Variants in MROH7 observed in about 807,000 individuals in gnomAD.
MROH7 encodes maestro heat-like repeat-containing protein family member 7.
Under a neutral mutation model 129.2 loss-of-function variants are expected in MROH7, and 113 were observed. The observed-to-expected ratio is 0.87, with a 90% confidence interval of 0.75 to 1.02. The LOEUF (loss-of-function observed/expected upper bound fraction) is 1.02. Ranked by LOEUF, MROH7 falls within the 50% of genes least tolerant of loss-of-function variation. The probability of loss-of-function intolerance (pLI) is 0.00; values close to 1 mark genes in which losing one functional copy is unlikely to be tolerated. For synonymous variants in MROH7, 655 were observed against 667.9 expected (o/e 0.98, Z 0.30); for missense variants, 1,601 against 1,671.3 (o/e 0.96, Z 0.73).
intron 10 of MROH7, among the ~76,000 whole-genome samples, chr1:54,677,417 A>G (rs563500174): frequency 1.6e-4 from 25 of 152,252 alleles, no homozygotes; most frequent in Admixed American, 6.5e-4. Flanking sequence ...CAAACAAAAC[A>G]AAACAAAACA....
chr1:54,662,297 A>C (rs552221406), intron 3 of MROH7, among the ~76,000 whole-genome samples: 19 of 152,252 alleles, frequency 1.2e-4, no homozygotes, highest in Non-Finnish European at 1.8e-4. Flanking sequence ...GCACTTTTGG[A>C]GGCCGAGGCG....
Position 54,653,465 on chromosome 1 carries a change from G to C in MROH7, c.539G>C (p.Arg180Thr). 6.2e-7 allele frequency: 1 copy of C among 1,614,156 alleles called. No individual in the cohort carries two copies. Among genetic ancestry groups the C allele is most frequent in the Non-Finnish European group, 8.5e-7 (1 of 1,180,036 alleles). The change falls in exon 3 of 24, where the codon AGG becomes ACG. Residue 180 changes from arginine (R) to threonine (T), a missense_variant. Physicochemically the swap from Arg to Thr is moderately conservative, Grantham distance 71 (BLOSUM62 -1). Transcript: ENST00000421030. ...PSRHELNPFI[R>T]HHSREGLVLG... ...AGGCATGAATTAAACCCATTTATAA[G>C]GCACCATTCCAGAGAAGGTCTGGTT...
At chr1:54,670,681 C>G (rs1229345764) in intron 6 of MROH7, 105 bp downstream of exon 6, 1 of 1,356,612 alleles carries the variant, frequency 7.4e-7, no homozygotes, top group Non-Finnish European at 1.0e-6. Context: ...GCCCCCACCC[C>G]TCGCCCGGTG....
chr1:54,704,909 C>T (rs1645507795), intron 21 of MROH7, among the ~76,000 whole-genome samples: 1 of 142,230 alleles, frequency 7.0e-6, no homozygotes, highest in Non-Finnish European at 1.5e-5. Context: ...AAGTGATTCT[C>T]CTGCCTCAAC....
intron 3 of MROH7, among the ~76,000 whole-genome samples, chr1:54,660,763 T>C (rs1655516): frequency 0.12 from 17,564 of 151,618 alleles, 2,933 homozygotes; most frequent in African/African-American, 0.37. Flanking sequence ...TGCGGTGAGC[T>C]GAGATTGCAC....
chr1:54,681,101 G>A (rs1477404310), intron 13 of MROH7, among the ~76,000 whole-genome samples: 1 of 152,162 alleles, frequency 6.6e-6, no homozygotes, highest in Non-Finnish European at 1.5e-5. Context: ...GCCAGGCAGA[G>A]GCACCCAGGG....
chr1:54,670,677 A>AC, intron 6 of MROH7, 101 bp downstream of exon 6: 1 of 330,430 alleles, frequency 3.0e-6, no homozygotes, highest in Non-Finnish European at 4.7e-6. Flanking sequence ...ACCCGCCCCC[A>AC]CCCCTCGCCC....
rs898394974 is a variant in MROH7, at chr1:54,653,420, A to G, written c.494A>G (p.Gln165Arg). The change falls in exon 3 of 24, where the codon CAG becomes CGG. Residue 165 changes from glutamine (Q) to arginine (R), a missense_variant. Transcript: ENST00000421030. ...TCAAGTAAGATTTTCAAGTTGGGTC[A>G]GAGAAACTCCAACCCTTCTAGGCAT... is the stretch of plus-strand genomic sequence containing the variant. ...CLSSKIFKLGQRNSNPSRHEL... is the reference protein window; with the variant it reads ...CLSSKIFKLGRRNSNPSRHEL... The G allele has an allele frequency of 6.2e-7, 1 of 1,614,224 alleles. No homozygotes were observed. The highest frequency in any genetic ancestry group is 8.5e-7 in the Non-Finnish European group (1 of 1,180,036).
intron 3 of MROH7, among the ~76,000 whole-genome samples, chr1:54,661,477 G>A (rs1454624109): frequency 6.6e-6 from 1 of 152,172 alleles, no homozygotes; most frequent in Admixed American, 6.5e-5. Context: ...CTCCCAAAGT[G>A]CTGGTATTAC....
chr1:54,690,582 T>C (rs369281016), intron 15 of MROH7, among the ~76,000 whole-genome samples: 71 of 152,052 alleles, frequency 4.7e-4, no homozygotes, highest in African/African-American at 1.6e-3. Flanking sequence ...TAGCTGGGAC[T>C]ACAGGCGCCC....
intron 19 of MROH7, among the ~76,000 whole-genome samples, chr1:54,701,743 T>A (rs1429773846): frequency 6.7e-6 from 1 of 149,040 alleles, no homozygotes; most frequent in African/African-American, 2.4e-5. Flanking sequence ...TAATTTTGCA[T>A]TTTTTGTAGA....
chr1:54,705,279 G>A (rs1224377536), intron 21 of MROH7, among the ~76,000 whole-genome samples: 1 of 152,160 alleles, frequency 6.6e-6, no homozygotes, highest in African/African-American at 2.4e-5. Context: ...TTAAGAAGGG[G>A]CTGGTAACCT....
chr1:54,694,242 G>C (rs1436530585), intron 16 of MROH7, among the ~76,000 whole-genome samples: 2 of 152,256 alleles, frequency 1.3e-5, no homozygotes, highest in African/African-American at 2.4e-5. Flanking sequence ...GAGAAGTTAA[G>C]CATCTTTCCC....
intron 4 of MROH7, among the ~76,000 whole-genome samples, chr1:54,666,885 G>A (rs753000256): frequency 1.3e-5 from 2 of 152,198 alleles, no homozygotes; most frequent in Non-Finnish European, 2.9e-5. Flanking sequence ...AGGAACAACA[G>A]CTGATCTCCT....
chr1:54,678,600 T>C lies in MROH7; in HGVS notation c.1937-142T>C, dbSNP rs1190108190. ...TGGGGTGCTGATCACGTTCTGCTTC[T>C]TGACTTGGGGGCTGGCTACAATGGT... On this transcript the variant is annotated intron_variant, in intron 10 of 23. Transcript: ENST00000421030. 4.9e-6 allele frequency: 3 copies of C among 614,832 alleles called. No homozygotes were observed. The Admixed American group carries it at 7.9e-5, about 16-fold the overall frequency. The allele number at this position is 614,832 out of a possible 1,614,324, so 38.1% of individuals were successfully genotyped here.
intron 3 of MROH7, among the ~76,000 whole-genome samples, chr1:54,656,482 C>T (rs1644647522): frequency 7.4e-6 from 1 of 134,906 alleles, no homozygotes; most frequent in African/African-American, 2.8e-5. Context: ...TGCACTCCAG[C>T]CAGGGAGACA....
rs746351821 is a variant in MROH7 at position 54,653,467 on chromosome 1, C to T, written c.541C>T (p.His181Tyr). The T allele has an allele frequency of 6.2e-7, 1 of 1,614,172 alleles. No homozygotes were observed. Among genetic ancestry groups the T allele is most frequent in the South Asian group, 1.1e-5 (1 of 91,086 alleles). Residue 181 changes from histidine (H) to tyrosine (Y), a missense_variant, in exon 3 of 24, where the codon CAC becomes TAC. Coordinates refer to ENST00000421030, the MANE Select transcript of MROH7 (RefSeq NM_001039464.4). Reference protein sequence around the residue: ...SRHELNPFIRHHSREGLVLGH... With the variant: ...SRHELNPFIRYHSREGLVLGH... The stretch of plus-strand genomic sequence containing the variant: ...GCATGAATTAAACCCATTTATAAGG[C>T]ACCATTCCAGAGAAGGTCTGGTTCT...
intron 10 of MROH7, among the ~76,000 whole-genome samples, chr1:54,676,692 GC>G (rs1454956184): frequency 6.6e-6 from 1 of 150,920 alleles, no homozygotes; most frequent in Non-Finnish European, 1.5e-5. Context: ...ACTGTGCCTG[GC>G]CCAGCTTATT....
chr1:54,708,716 A>G (rs571185314), intron 22 of MROH7, among the ~76,000 whole-genome samples: 1 of 152,332 alleles, frequency 6.6e-6, no homozygotes, highest in East Asian at 1.9e-4. Context: ...CTTGTGTCAC[A>G]GATGAGGAAA....
Sources: gnomAD v4.1 joint callset for allele counts (sites outside exome capture counted in the v4.1 genomes callset) on GRCh38, gnomAD v4.1.1 for gene constraint, MANE v1.5 for transcripts, NCBI Gene and HGNC (gene_info 2026-07-23, HGNC 2026-07-21) for gene names.